The following CACNA1A variants were observed in gnomAD, a reference collection of about 807,000 sequenced individuals.
The protein encoded by CACNA1A is calcium voltage-gated channel subunit alpha1 A.
Under a neutral mutation model 262.4 loss-of-function variants are expected in CACNA1A, and 57 were observed. The observed-to-expected ratio is 0.22, with a 90% CI of 0.18 to 0.27. CACNA1A has a LOEUF of 0.27. Among genes scored for constraint, CACNA1A ranks in the 10% least tolerant of loss-of-function variants. The pLI is 1.00. For missense variants in CACNA1A, 2,526 were observed against 3,562.8 expected, an observed-to-expected ratio of 0.71 and a Z score of 7.41; for synonymous variants, 1,431 against 1,419.3, an observed-to-expected ratio of 1.01 and a Z score of -0.18.
rs73509474 is a variant in CACNA1A at position 13,242,130 on chromosome 19, C to G, written c.4950+3052G>C. On this transcript the variant is annotated intron_variant, in intron 31 of 46. Transcript: ENST00000360228. Reference sequence around the variant, plus strand: ...CCCAGAAGGACCCAAACACCCACCCCCTATCTTTCCCTCAAATTGACTGTA... The same window carrying G: ...CCCAGAAGGACCCAAACACCCACCCGCTATCTTTCCCTCAAATTGACTGTA... Among the ~76,000 whole-genome samples the G allele has an allele frequency of 2.7e-3, 408 of 152,254 alleles. 3 individuals are homozygous for G. Among genetic ancestry groups the G allele is most frequent in the African/African-American group, 9.1e-3 (379 of 41,550 alleles).
chr19:13,399,609 A>C (rs1184879296), intron 3 of CACNA1A, among the ~76,000 whole-genome samples: 1 of 152,162 alleles, frequency 6.6e-6, no homozygotes, highest in African/African-American at 2.4e-5. Flanking sequence ...ACAGACCCAC[A>C]GGCACCCAGA....
intron 24 of CACNA1A, among the ~76,000 whole-genome samples, chr19:13,270,990 A>G (rs2057003691): frequency 6.6e-6 from 1 of 152,170 alleles, no homozygotes. Flanking sequence ...CTTTTCTTGC[A>G]TAAGAATTAA....
In CACNA1A at chr19:13,317,310, C is replaced by A; in HGVS notation, c.1357G>T (p.Ala453Ser). ...TTGGCACTTTTAATGCTGGCTCGGG[C>A]GAAGGGAGAACCTGCCAGGGAAAAG... is the stretch of plus-strand genomic sequence containing the variant. Reference protein sequence around the residue: ...ADIASVGSPFARASIKSAKLE... With the variant: ...ADIASVGSPFSRASIKSAKLE... The change falls in exon 11 of 47, where the codon GCC becomes TCC. Residue 453 changes from alanine to serine, a missense_variant. Ala to Ser is a moderately conservative substitution (Grantham distance 99). Coordinates refer to ENST00000360228, the MANE Select transcript of CACNA1A (RefSeq NM_001127222.2). The A allele has an allele frequency of 6.2e-7, 1 of 1,600,814 alleles. No homozygotes were observed.
intron 22 of CACNA1A, among the ~76,000 whole-genome samples, chr19:13,279,003 G>C (rs2057220562): frequency 6.6e-6 from 1 of 152,080 alleles, no homozygotes; most frequent in Non-Finnish European, 1.5e-5. Context: ...CAAAGGCCTG[G>C]TGGTTTGTGG....
At chr19:13,371,840 C>CG in intron 3 of CACNA1A, 61 bp from the exon 4 acceptor site, 2 of 1,243,856 alleles carry the variant, frequency 1.6e-6, no homozygotes, top group Non-Finnish European at 2.3e-6. Flanking sequence ...GACAGCAGGG[C>CG]GGGGGTGCTT....
chr19:13,417,592 A>G (rs1396200086), intron 3 of CACNA1A, among the ~76,000 whole-genome samples: 1 of 152,160 alleles, frequency 6.6e-6, no homozygotes, highest in Non-Finnish European at 1.5e-5. Context: ...CAAGGAGTTA[A>G]AAGAGAACCA....
At chr19:13,387,683 A>C (rs2059639120) in intron 3 of CACNA1A, among the ~76,000 whole-genome samples, 1 of 152,250 alleles carries the variant, frequency 6.6e-6, no homozygotes, top group African/African-American at 2.4e-5. Context: ...CACTCAGAAG[A>C]GAGGGGAACA....
intron 2 of CACNA1A, among the ~76,000 whole-genome samples, chr19:13,453,760 G>C (rs1326166474): frequency 6.6e-6 from 1 of 152,060 alleles, no homozygotes; most frequent in African/African-American, 2.4e-5. Context: ...TTTCCCATCT[G>C]TTACAGCAAC....
chr19:13,378,611 G>T (rs74258414), intron 3 of CACNA1A, among the ~76,000 whole-genome samples: 6,120 of 152,020 alleles, frequency 0.04, 243 homozygotes, highest in African/African-American at 0.093. Flanking sequence ...CTCACTGAAG[G>T]CTCAGATGAT....
At chr19:13,331,259 C>T (rs1056816763) in intron 9 of CACNA1A, among the ~76,000 whole-genome samples, 1 of 151,936 alleles carries the variant, frequency 6.6e-6, no homozygotes, top group South Asian at 2.1e-4. Flanking sequence ...TTTTTTGAGA[C>T]AGAGTCTTGC....
At chr19:13,346,631 TA>T (rs2058770834) in intron 6 of CACNA1A, among the ~76,000 whole-genome samples, 3 of 3,560 alleles carry the variant, frequency 8.4e-4, no homozygotes, top group African/African-American at 2.2e-3. Context: ...TATATATATA[TA>T]TATATATATA....
chr19:13,279,966 G>A (rs994988398), intron 22 of CACNA1A, among the ~76,000 whole-genome samples: 5 of 151,658 alleles, frequency 3.3e-5, no homozygotes, highest in Non-Finnish European at 5.9e-5. Flanking sequence ...GTGTTACCAC[G>A]CCCAGATAAT....
chr19:13,465,967 A>C (rs1227630733), intron 1 of CACNA1A, among the ~76,000 whole-genome samples: 4 of 152,126 alleles, frequency 2.6e-5, no homozygotes, highest in Non-Finnish European at 5.9e-5. Context: ...ATAGAGACAG[A>C]ATGCAGATGG....
rs1311120402 is a variant in CACNA1A, at chr19:13,207,917, G to A, written c.6917C>T (p.Ala2306Val). The A allele has an allele frequency of 1.6e-5, 23 of 1,464,138 alleles. No homozygotes were observed. Among genetic ancestry groups the A allele is most frequent in the Admixed American group, 2.4e-5 (1 of 40,864 alleles). The allele number at this position is 1,464,138 out of a possible 1,614,324, so 90.7% of individuals were successfully genotyped here. A position where few individuals can be genotyped will look rare whatever the true frequency, so the allele number is the denominator to read the frequency against. The change falls in exon 47 of 47, where the codon GCC (alanine) becomes GTC (valine). Residue 2306 changes from alanine (A) to valine (V), a missense_variant. Physicochemically the swap from Ala to Val is moderately conservative, Grantham distance 64. Transcript: ENST00000360228. The surrounding 1 kb of genome is among the most constrained non-coding windows in gnomAD (Gnocchi z 5.7). Reference sequence around the variant, plus strand: ...CTGCTGCGGGGGCCCCGAGCCGCCGGCCTTACGGATCACAGGGGAATAGGA... The same window carrying A: ...CTGCTGCGGGGGCCCCGAGCCGCCGACCTTACGGATCACAGGGGAATAGGA... ...HVSYSPVIRK[A>V]GGSGPPQQQQ...
At chr19:13,471,431 T>C (rs2061345245) in intron 1 of CACNA1A, among the ~76,000 whole-genome samples, 1 of 152,158 alleles carries the variant, frequency 6.6e-6, no homozygotes, top group Admixed American at 6.6e-5. Flanking sequence ...TAAGAGACCT[T>C]CCCAGTTCCT....
chr19:13,237,938 C>G (rs1172856660), intron 31 of CACNA1A, among the ~76,000 whole-genome samples: 1 of 152,204 alleles, frequency 6.6e-6, no homozygotes, highest in African/African-American at 2.4e-5. Context: ...ACCCTGGAAG[C>G]AGCCTCAGGA....
chr19:13,301,062 C>T (rs1240675849), intron 17 of CACNA1A, among the ~76,000 whole-genome samples: 1 of 152,146 alleles, frequency 6.6e-6, no homozygotes, highest in African/African-American at 2.4e-5. Flanking sequence ...ATCCTCCCAC[C>T]TCAGCCTCCC....
intron 10 of CACNA1A, among the ~76,000 whole-genome samples, chr19:13,319,321 T>C (rs2058198208): frequency 6.6e-6 from 1 of 152,232 alleles, no homozygotes; most frequent in Non-Finnish European, 1.5e-5. Context: ...TCATTCATTC[T>C]TTCATCATTC....
intron 6 of CACNA1A, among the ~76,000 whole-genome samples, chr19:13,339,790 C>G (rs994896125): frequency 6.8e-6 from 1 of 146,226 alleles, no homozygotes; most frequent in Non-Finnish European, 1.5e-5. Context: ...AAAAAAAAAG[C>G]ACTGAAAATA....
Sources: gnomAD v4.1 joint callset for allele counts (sites outside exome capture counted in the v4.1 genomes callset) on GRCh38, gnomAD v4.1.1 for gene constraint, Gnocchi (gnomAD v3.1) non-coding constraint, MANE v1.5 for transcripts, NCBI Gene and HGNC (gene_info 2026-07-23, HGNC 2026-07-21) for gene names.